The following TRIOBP variants were observed in gnomAD, a reference collection of about 807,000 sequenced individuals.
TRIOBP encodes TRIO and F-actin binding protein.
TRIOBP carries 169 observed loss-of-function variants against 238.8 expected under a neutral mutation model. The observed-to-expected ratio is 0.71, with a 90% CI of 0.62 to 0.80. The LOEUF (loss-of-function observed/expected upper bound fraction) is 0.80. Among genes scored for constraint, TRIOBP ranks in the 30% least tolerant of loss-of-function variants. The pLI is 0.00. For missense variants in TRIOBP, 2,838 were observed against 3,122.6 expected, an observed-to-expected ratio of 0.91 and a Z score of 2.17; for synonymous variants, 1,150 against 1,274.4, an observed-to-expected ratio of 0.90 and a Z score of 2.08.
At chr22:37,768,276 T>C (rs952124621) in intron 19 of TRIOBP, 100 bp downstream of exon 19, 3 of 959,996 alleles carry the variant, frequency 3.1e-6, no homozygotes, top group Non-Finnish European at 4.9e-6. Flanking sequence ...TGCCCCTAGC[T>C]GAGATTCCTG....
intron 3 of TRIOBP, among the ~76,000 whole-genome samples, chr22:37,702,634 CTTTTTTTTTTT>C (rs34625454): frequency 3.7e-5 from 3 of 81,198 alleles, no homozygotes; most frequent in African/African-American, 5.0e-5. Flanking sequence ...TTCTCTCTCT[CTTTTTTTTTTT>C]TTTTTTTTTT....
chr22:37,755,529 A>AC, intron 14 of TRIOBP, 21 bp from the exon 15 acceptor site: 1 of 1,607,794 alleles, frequency 6.2e-7, no homozygotes, highest in Non-Finnish European at 8.5e-7. Context: ...GTGGCAACCT[A>AC]CCCATGCGGT....
intron 2 of TRIOBP, among the ~76,000 whole-genome samples, chr22:37,698,576 T>C (rs1922477434): frequency 6.6e-6 from 1 of 151,848 alleles, no homozygotes; most frequent in East Asian, 2.0e-4. Context: ...TGGTCTTGAA[T>C]TCCTGGCCTC....
At chr22:37,726,552 C>T in intron 7 of TRIOBP, 49 bp downstream of exon 7, 1 of 1,423,026 alleles carries the variant, frequency 7.0e-7, no homozygotes, top group Non-Finnish European at 9.2e-7. Flanking sequence ...GGAGGCTCGG[C>T]AGCAGGACAG....
intron 21 of TRIOBP, among the ~76,000 whole-genome samples, chr22:37,771,017 G>T (rs1009613312): frequency 2.6e-5 from 4 of 152,226 alleles, no homozygotes; most frequent in African/African-American, 9.6e-5. Context: ...ACTTAGGTGA[G>T]GCTCACTCTG....
In TRIOBP at chr22:37,726,890, G is replaced by A. The variant is rs564720804; in HGVS notation, c.3947+387G>A. ...ACATTCATTCAAATAAGGGTGAACT[G>A]TCTTTTTATTTTTTATTTTTTGTTT... On this transcript the variant is annotated intron_variant, in intron 7 of 23. Transcript: ENST00000644935. 5.3e-5 allele frequency among the ~76,000 whole-genome samples: 8 copies of A among 150,782 alleles called. No individual in the cohort carries two copies. The South Asian group carries it at 8.4e-4, about 16-fold the overall frequency.
intron 11 of TRIOBP, chr22:37,750,949 A>G (rs1601652932): frequency 8.2e-6 from 3 of 364,810 alleles, no homozygotes; most frequent in Admixed American, 3.6e-5. Context: ...ACCGGTGGCC[A>G]CCTCCTCCCT....
intron 11 of TRIOBP, among the ~76,000 whole-genome samples, chr22:37,742,256 C>T (rs866324363): frequency 1.6e-4 from 15 of 92,842 alleles, no homozygotes; most frequent in South Asian, 4.8e-4. Context: ...CCACGCCAGG[C>T]GTTTTTTTTT....
At chr22:37,711,589 A>AG (rs1262657435) in intron 4 of TRIOBP, among the ~76,000 whole-genome samples, 1,336 of 50,064 alleles carry the variant, frequency 0.027, 37 homozygotes, top group Non-Finnish European at 0.063. Flanking sequence ...AAAAAAAAAA[A>AG]AAACAACAAA....
At chr22:37,709,803 C>T (rs4821688) in intron 3 of TRIOBP, among the ~76,000 whole-genome samples, 81,810 of 152,020 alleles carry the variant, frequency 0.54, 22,733 homozygotes, top group East Asian at 0.7. Context: ...CTCTAGCCCC[C>T]GCCCTTTTCC....
At chr22:37,743,058 C>CT in intron 11 of TRIOBP, among the ~76,000 whole-genome samples, 1 of 152,342 alleles carries the variant, frequency 6.6e-6, no homozygotes, top group East Asian at 1.9e-4. Context: ...CCTGATCTCT[C>CT]TGAGCCCTCC....
chr22:37,701,516 A>C, intron 3 of TRIOBP, 37 bp downstream of exon 3: 1 of 1,454,406 alleles, frequency 6.9e-7, no homozygotes, highest in East Asian at 2.3e-5. Context: ...GTGGTTTGTG[A>C]TGGGGGCATG....
At chr22:37,751,705 C>T in intron 11 of TRIOBP, 67 bp from the exon 12 acceptor site, 3 of 1,571,536 alleles carry the variant, frequency 1.9e-6, no homozygotes, top group Non-Finnish European at 2.6e-6. Flanking sequence ...GTGCAGCACG[C>T]TCCCCTCACC....
chr22:37,754,917 GGAA>G lies in TRIOBP; in HGVS notation c.5424_5426del (p.Lys1809del). On this transcript the variant is annotated inframe_deletion, in exon 13 of 24. Coordinates refer to ENST00000644935, the MANE Select transcript of TRIOBP (RefSeq NM_001039141.3). ...CTCACCACCACCTCTACTTCGCAGT[GGAA>G]GAAACATTGGTTTGTGCTGACAGAT... 2 of 1,614,124 alleles carry G rather than the reference GGAA, an allele frequency of 1.2e-6. No homozygotes were observed. The highest frequency in any genetic ancestry group is 1.7e-6 in the Non-Finnish European group (2 of 1,180,028).
At chr22:37,749,381 C>T (rs1037611078) in intron 11 of TRIOBP, among the ~76,000 whole-genome samples, 2 of 152,068 alleles carry the variant, frequency 1.3e-5, no homozygotes, top group African/African-American at 2.4e-5. Context: ...GGAGCCGTCC[C>T]TGGAACTGTT....
intron 7 of TRIOBP, 46 bp downstream of exon 7, chr22:37,726,549 C>G: frequency 7.0e-7 from 1 of 1,426,532 alleles, no homozygotes; most frequent in Non-Finnish European, 9.1e-7. Context: ...GGAGGAGGCT[C>G]GGCAGCAGGA....
In TRIOBP at chr22:37,765,835, G is replaced by GA. The variant is rs577933804; in HGVS notation, c.6472+18_6472+19insA. 29 of 1,584,820 alleles carry GA rather than the reference G, an allele frequency of 1.8e-5. No individual in the cohort carries two copies. The highest frequency in any genetic ancestry group is 1.7e-4 in the South Asian group (15 of 88,160). On this transcript the variant is annotated intron_variant, in intron 18 of 23. Transcript: ENST00000644935. ...GGCCTCAGGTATGGACCCTGGGGGG[G>GA]GCACAGTGGGCTGGGCTCTGAGCCT... is the stretch of plus-strand genomic sequence containing the variant.
chr22:37,743,796 AG>A (rs1925056261), intron 11 of TRIOBP, among the ~76,000 whole-genome samples: 2 of 114,908 alleles, frequency 1.7e-5, no homozygotes, highest in Admixed American at 1.9e-4. Flanking sequence ...AGAAAGAGAG[AG>A]AGAATGTGTG....
chr22:37,742,026 C>T (rs1369400585), intron 11 of TRIOBP, among the ~76,000 whole-genome samples: 2 of 152,182 alleles, frequency 1.3e-5, no homozygotes. Context: ...GGCACCATCT[C>T]TACTCACTGC....
Sources: allele counts gnomAD v4.1 joint callset (sites outside exome capture counted in the v4.1 genomes callset), GRCh38; gene constraint gnomAD v4.1.1; transcripts MANE v1.5; gene names NCBI Gene and HGNC (gene_info 2026-07-23, HGNC 2026-07-21).